The following PAK5 variants were observed in gnomAD, a reference collection of about 807,000 sequenced individuals.
PAK5 encodes the protein p21 (RAC1) activated kinase 5, also known as serine/threonine-protein kinase PAK 5.
PAK5 carries 16 observed loss-of-function variants against 65.9 expected under a neutral mutation model. The ratio of observed to expected loss-of-function variants is 0.24; its 90% CI spans 0.16 to 0.37. The LOEUF is 0.37. Ranked by LOEUF, PAK5 falls within the 10% of genes least tolerant of loss-of-function variation. PAK5 has a pLI of 1.00. For synonymous variants in PAK5, 371 were observed against 354.9 expected (o/e 1.05, Z -0.51); for missense variants, 785 against 903.9 (o/e 0.87, Z 1.69).
chr20:9,810,786 T>C (rs2049289543), intron 1 of PAK5, among the ~76,000 whole-genome samples: 2 of 152,148 alleles, frequency 1.3e-5, no homozygotes, highest in African/African-American at 4.8e-5. Flanking sequence ...TTTCACCATA[T>C]CTCACAAAAA....
intron 2 of PAK5, among the ~76,000 whole-genome samples, chr20:9,658,337 G>A (rs983474443): frequency 3.9e-5 from 6 of 152,158 alleles, no homozygotes; most frequent in African/African-American, 1.2e-4. Flanking sequence ...GGGTTGTCTG[G>A]AAACTGACTG....
chr20:9,620,369 G>C (rs972601174), intron 3 of PAK5, among the ~76,000 whole-genome samples: 1 of 152,208 alleles, frequency 6.6e-6, no homozygotes, highest in African/African-American at 2.4e-5. Flanking sequence ...GAAGGATTGC[G>C]GAAAGCAGGA....
intron 2 of PAK5, among the ~76,000 whole-genome samples, chr20:9,685,855 C>T (rs1048933430): frequency 6.6e-6 from 1 of 152,170 alleles, no homozygotes; most frequent in Admixed American, 6.5e-5. Flanking sequence ...CAATGACACC[C>T]TCTGTGTTAT....
chr20:9,565,767 G>T, intron 5 of PAK5, 126 bp downstream of exon 5: 2 of 926,514 alleles, frequency 2.2e-6, no homozygotes, highest in Admixed American at 2.3e-5. Flanking sequence ...TATTACAGGG[G>T]ACGCTATTTT....
At chr20:9,676,028 AATT>A (rs1382993026) in intron 2 of PAK5, among the ~76,000 whole-genome samples, 1 of 152,204 alleles carries the variant, frequency 6.6e-6, no homozygotes, top group Non-Finnish European at 1.5e-5. Flanking sequence ...AAAGAGGTTT[AATT>A]GGACTTAGAG....
intron 7 of PAK5, 58 bp from the exon 8 acceptor site, chr20:9,544,552 G>A (rs1004785885): frequency 5.3e-6 from 8 of 1,509,772 alleles, no homozygotes; most frequent in South Asian, 3.4e-5. Context: ...TGCTAGACAC[G>A]AAAATACAAA....
At chr20:9,709,747 A>G (rs906876967) in intron 2 of PAK5, among the ~76,000 whole-genome samples, 43 of 152,212 alleles carry the variant, frequency 2.8e-4, no homozygotes, top group African/African-American at 9.9e-4. Context: ...CACTTTGCTG[A>G]GATCTTAAAA....
intron 3 of PAK5, among the ~76,000 whole-genome samples, chr20:9,635,751 G>T: frequency 6.6e-6 from 1 of 152,128 alleles, no homozygotes; most frequent in East Asian, 1.9e-4. Flanking sequence ...CTATATTTTA[G>T]CAGAAGCAGG....
At chr20:9,644,082 G>A in intron 3 of PAK5, 43 bp downstream of exon 3, 1 of 1,458,176 alleles carries the variant, frequency 6.9e-7, no homozygotes, top group East Asian at 2.3e-5. Flanking sequence ...TTAAATAAGA[G>A]CATGATTCTT....
chr20:9,589,775 A>T (rs1312277914), intron 3 of PAK5, among the ~76,000 whole-genome samples: 2 of 152,022 alleles, frequency 1.3e-5, no homozygotes, highest in African/African-American at 4.8e-5. Flanking sequence ...GGTTCAAGCG[A>T]TTCTCATGCC....
Position 9,538,949 on chromosome 20 carries a change from C to G in PAK5, c.*513G>C. ...AAACTCCTCTAGTAAACAAGTATTACTTCAACTGATACAATGGCTACATGA... is the reference window on the plus strand; with the variant it reads ...AAACTCCTCTAGTAAACAAGTATTAGTTCAACTGATACAATGGCTACATGA... On this transcript the variant is annotated 3_prime_UTR_variant, in exon 10 of 10. Transcript: ENST00000353224. The G allele has an allele frequency of 8.6e-6, 2 of 233,320 alleles. No homozygotes were observed. Among genetic ancestry groups the G allele is most frequent in the Non-Finnish European group, 1.7e-5 (2 of 117,908 alleles). 14.5% of individuals were successfully genotyped at this position (233,320 alleles called of 1,614,324 possible). A position where few individuals can be genotyped will look rare whatever the true frequency, so the allele number is the denominator to read the frequency against.
chr20:9,690,371 A>C (rs1225264494), intron 2 of PAK5, among the ~76,000 whole-genome samples: 3 of 152,190 alleles, frequency 2.0e-5, no homozygotes, highest in Non-Finnish European at 4.4e-5. Context: ...AAGAAGAAAT[A>C]TGTGCTTTAG....
At chr20:9,668,809 G>A (rs1476548931) in intron 2 of PAK5, among the ~76,000 whole-genome samples, 3 of 152,116 alleles carry the variant, frequency 2.0e-5, no homozygotes, top group Non-Finnish European at 4.4e-5. Context: ...AATTTGATCT[G>A]GATCTATTAA....
At chr20:9,569,923 G>A (rs2045748111) in intron 4 of PAK5, among the ~76,000 whole-genome samples, 2 of 152,014 alleles carry the variant, frequency 1.3e-5, no homozygotes. Context: ...AACCAGGGTA[G>A]CTGCTAAGCT....
At chr20:9,797,150 G>A (rs139694721) in intron 1 of PAK5, among the ~76,000 whole-genome samples, 11,291 of 151,466 alleles carry the variant, frequency 0.075, 576 homozygotes, top group Non-Finnish European at 0.11. Flanking sequence ...GTGATGATGA[G>A]CATTTTTTCA....
intron 1 of PAK5, among the ~76,000 whole-genome samples, chr20:9,828,688 C>T (rs1978471635): frequency 6.6e-6 from 1 of 152,162 alleles, no homozygotes; most frequent in South Asian, 2.1e-4. Context: ...CCATTAGAAG[C>T]AAACACATGA....
chr20:9,612,495 T>C (rs920798663), intron 3 of PAK5, among the ~76,000 whole-genome samples: 1 of 152,096 alleles, frequency 6.6e-6, no homozygotes, highest in African/African-American at 2.4e-5. Flanking sequence ...AACAGCCATG[T>C]CACATGGCCA....
chr20:9,743,866 T>C (rs945379583), intron 1 of PAK5, among the ~76,000 whole-genome samples: 3 of 152,174 alleles, frequency 2.0e-5, no homozygotes, highest in Admixed American at 6.5e-5. Context: ...TGGCAAAAAC[T>C]TTGCAAGTGT....
At chr20:9,712,374 TA>T (rs2123490524) in intron 1 of PAK5, among the ~76,000 whole-genome samples, 1 of 152,256 alleles carries the variant, frequency 6.6e-6, no homozygotes, top group South Asian at 2.1e-4. Context: ...AAGGACTACA[TA>T]CAGATTTTAT....
Sources: allele counts gnomAD v4.1 joint callset (sites outside exome capture counted in the v4.1 genomes callset), GRCh38; gene constraint gnomAD v4.1.1; transcripts MANE v1.5; gene names NCBI Gene and HGNC (gene_info 2026-07-23, HGNC 2026-07-21).